The following DSTYK variants were observed in gnomAD, a reference collection of about 807,000 sequenced individuals.
DSTYK encodes RIP-homologous kinase.
A neutral mutation model predicts 98.7 loss-of-function variants in DSTYK; 34 were observed. That is an observed-to-expected ratio of 0.34 (90% CI 0.26 to 0.46). The LOEUF (loss-of-function observed/expected upper bound fraction) is 0.46. Ranked by LOEUF, DSTYK falls within the 20% of genes least tolerant of loss-of-function variation. DSTYK has a pLI of 1.00. For synonymous variants in DSTYK, 462 were observed against 457.3 expected (o/e 1.01, Z -0.13); for missense variants, 962 against 1,181.7 (o/e 0.81, Z 2.73).
intron 1 of DSTYK, among the ~76,000 whole-genome samples, chr1:205,207,450 C>T (rs992722858): frequency 2.0e-5 from 3 of 151,202 alleles, no homozygotes; most frequent in Non-Finnish European, 2.9e-5. Flanking sequence ...GATAATAAAA[C>T]AAGAAAAATA....
chr1:205,211,594 C>G lies in DSTYK; in HGVS notation c.-59G>C. On this transcript the variant is annotated 5_prime_UTR_variant, in exon 1 of 13. Coordinates refer to ENST00000367162, the MANE Select transcript of DSTYK (RefSeq NM_015375.3). ...CCCGGCCGCAGGCCCGGCCTCCCTC[C>G]TCCCCGCCCCCCAGTGCCGAAGGGA... The G allele has an allele frequency of 7.1e-7, 1 of 1,407,164 alleles. No individual in the cohort carries two copies. Among genetic ancestry groups the G allele is most frequent in the South Asian group, 1.6e-5 (1 of 64,456 alleles). The allele number at this position is 1,407,164 out of a possible 1,614,324, so 87.2% of individuals were successfully genotyped here. A position where few individuals can be genotyped will look rare whatever the true frequency, so the allele number is the denominator to read the frequency against.
chr1:205,189,174 C>T (rs1658641861), intron 1 of DSTYK, among the ~76,000 whole-genome samples: 1 of 152,046 alleles, frequency 6.6e-6, no homozygotes, highest in African/African-American at 2.4e-5. Context: ...AAAAAAACTT[C>T]TCCTTTCAAG....
At position 205,187,522 on chromosome 1, in the gene DSTYK, A is replaced by G; in HGVS notation, c.550T>C (p.Trp184Arg). The change falls in exon 2 of 13, where the codon TGG (tryptophan) becomes CGG (arginine). Residue 184 changes from tryptophan (W) to arginine (R), a missense_variant. This residue lies in a region of DSTYK where 660 missense variants were observed against 855.0 expected (regional missense o/e 0.77). Transcript: ENST00000367162. ...VHTLVAHQGNWETIPEEDLEV... is the reference protein window; with the variant it reads ...VHTLVAHQGNRETIPEEDLEV... Reference sequence around the variant, plus strand: ...AGATCCTCCTCAGGGATGGTCTCCCAGTTGCCCTGATGAGCAACCAGCGTG... The same window carrying G: ...AGATCCTCCTCAGGGATGGTCTCCCGGTTGCCCTGATGAGCAACCAGCGTG... The G allele has an allele frequency of 6.2e-7, 1 of 1,614,192 alleles. No individual in the cohort carries two copies. Among genetic ancestry groups the G allele is most frequent in the Non-Finnish European group, 8.5e-7 (1 of 1,180,036 alleles).
intron 10 of DSTYK, among the ~76,000 whole-genome samples, chr1:205,152,281 G>A (rs1490267870): frequency 6.6e-6 from 1 of 152,152 alleles, no homozygotes; most frequent in African/African-American, 2.4e-5. Context: ...GGGTTCAAGC[G>A]ATTCTCCTGC....
At chr1:205,199,760 C>T (rs1404371313) in intron 1 of DSTYK, among the ~76,000 whole-genome samples, 2 of 152,110 alleles carry the variant, frequency 1.3e-5, no homozygotes, top group South Asian at 2.1e-4. Context: ...AAGCAAACCC[C>T]GTCATCCCTA....
rs1381714368 is a variant in DSTYK at position 205,143,323 on chromosome 1, T to C, written c.*4235A>G. The C allele has an allele frequency of 6.6e-6, 1 of 152,074 alleles. No homozygotes were observed. The highest frequency in any genetic ancestry group is 1.5e-5 in the Non-Finnish European group (1 of 68,046). The allele number at this position is 152,074 out of a possible 1,614,324, so 9.4% of individuals were successfully genotyped here. A position where few individuals can be genotyped will look rare whatever the true frequency, so the allele number is the denominator to read the frequency against. ...CACCATGCCTGGCTAATTTTTTCTATTTTTAATAGAGACGGGGTTTCACCA... is the reference window on the plus strand; with the variant it reads ...CACCATGCCTGGCTAATTTTTTCTACTTTTAATAGAGACGGGGTTTCACCA... On this transcript the variant is annotated 3_prime_UTR_variant, in exon 13 of 13. Coordinates refer to ENST00000367162, the MANE Select transcript of DSTYK (RefSeq NM_015375.3).
rs1235346411 is a variant in DSTYK at position 205,173,729 on chromosome 1, T to C, written c.655-3897A>G. Among the ~76,000 whole-genome samples, 3 of 152,266 alleles carry C rather than the reference T, an allele frequency of 2.0e-5. No individual in the cohort carries two copies. The East Asian group carries it at 5.8e-4, about 29-fold the overall frequency. On this transcript the variant is annotated intron_variant, in intron 2 of 12. Coordinates refer to ENST00000367162, the MANE Select transcript of DSTYK (RefSeq NM_015375.3). ...TTGTAAGACCAATACGGTTGTTTTT[T>C]TTTTTTTGAGATGAAGTCTCGCTCT...
intron 12 of DSTYK, 101 bp downstream of exon 12, chr1:205,148,104 T>C (rs1657296991): frequency 4.9e-6 from 7 of 1,428,514 alleles, no homozygotes; most frequent in Non-Finnish European, 6.8e-6. Flanking sequence ...GGCCCTGCTA[T>C]GGAGTGGCCA....
intron 3 of DSTYK, among the ~76,000 whole-genome samples, chr1:205,165,851 TGGTGTGATGGTGCACACCTTTAGACCCA>T (rs1216577659): frequency 3.9e-5 from 6 of 152,078 alleles, no homozygotes; most frequent in African/African-American, 9.7e-5. Flanking sequence ...ACAGGTATGA[TGGTGTGATGGTGCACACCTTTAGACCCA>T]GGTGTGATGG....
intron 12 of DSTYK, among the ~76,000 whole-genome samples, 170 bp from the exon 13 acceptor site, chr1:205,147,915 TA>T (rs35284794): frequency 1.9e-4 from 27 of 144,482 alleles, no homozygotes; most frequent in African/African-American, 3.4e-4. Context: ...TAAGAGCAAT[TA>T]AAAAAAAAAA....
intron 3 of DSTYK, among the ~76,000 whole-genome samples, chr1:205,166,136 T>G (rs1482556183): frequency 6.6e-6 from 1 of 152,220 alleles, no homozygotes. Context: ...CAAATTTGTA[T>G]GAATATTTAT....
intron 2 of DSTYK, among the ~76,000 whole-genome samples, chr1:205,173,723 G>GTTT (rs1194952875): frequency 6.9e-6 from 1 of 144,182 alleles, no homozygotes. Context: ...CAATACGGTT[G>GTTT]TTTTTTTTTT....
intron 10 of DSTYK, among the ~76,000 whole-genome samples, chr1:205,155,098 CCT>C (rs1264472373): frequency 6.6e-6 from 1 of 152,074 alleles, no homozygotes. Flanking sequence ...AATTCTCCTG[CCT>C]CAGCCTCCCA....
chr1:205,164,392 G>A (rs1200769429), intron 3 of DSTYK, among the ~76,000 whole-genome samples: 3 of 151,458 alleles, frequency 2.0e-5, no homozygotes, highest in Non-Finnish European at 4.4e-5. Flanking sequence ...GGTGATGGGA[G>A]TGAGACCCCG....
intron 10 of DSTYK, 118 bp downstream of exon 10, chr1:205,157,155 G>A (rs1657586596): frequency 1.3e-6 from 1 of 771,412 alleles, no homozygotes; most frequent in Admixed American, 2.3e-5. Context: ...CGTGAGAATG[G>A]ACTAATACAC....
intron 1 of DSTYK, among the ~76,000 whole-genome samples, chr1:205,190,703 G>A (rs972001368): frequency 6.6e-6 from 1 of 150,932 alleles, no homozygotes; most frequent in Admixed American, 6.6e-5. Context: ...CTCGAGCAGT[G>A]AGAAGTCCAG....
chr1:205,202,463 T>C (rs1481575115), intron 1 of DSTYK: 1 of 797,864 alleles, frequency 1.3e-6, no homozygotes, highest in Non-Finnish European at 2.2e-6. Flanking sequence ...GAATTTTTGC[T>C]ACACATGCTT....
At position 205,187,410 on chromosome 1, in the gene DSTYK, A is replaced by G; in HGVS notation, c.654+8T>C. The G allele has an allele frequency of 6.3e-7, 1 of 1,599,906 alleles. No individual in the cohort carries two copies. The highest frequency in any genetic ancestry group is 8.5e-7 in the Non-Finnish European group (1 of 1,171,260). On this transcript the variant is annotated splice_region_variant and intron_variant, in intron 2 of 12. Transcript: ENST00000367162. Reference sequence around the variant, plus strand: ...TATACAATTGGTATAGAAGTATGAGATTGGTACCTGTAAGAGAGCATGGTG... The same window carrying G: ...TATACAATTGGTATAGAAGTATGAGGTTGGTACCTGTAAGAGAGCATGGTG...
rs1207929163 is a variant in DSTYK at position 205,169,398 on chromosome 1, G to A, written c.1089C>T (p.Asn363=). The part of the protein sequence containing the change: ...TRLVDAAKAL[N]LVHCHCLDIF... The stretch of plus-strand genomic sequence containing the variant: ...TGTCAAGGCAGTGGCAGTGCACCAG[G>A]TTCAGGGCCTTGGCTGCATCCACCA... Residue 363 remains asparagine, a synonymous_variant, in exon 3 of 13, where the codon AAC becomes AAT. Coordinates refer to ENST00000367162, the MANE Select transcript of DSTYK (RefSeq NM_015375.3). This position sits in a 1 kb window ranked among gnomAD's most constrained non-coding sequence, Gnocchi z 4.0. The A allele has an allele frequency of 6.2e-7, 1 of 1,614,174 alleles. No homozygotes were observed. Among genetic ancestry groups the A allele is most frequent in the African/African-American group, 1.3e-5 (1 of 75,048 alleles).
Sources: gnomAD v4.1 joint callset for allele counts (sites outside exome capture counted in the v4.1 genomes callset) on GRCh38, gnomAD v4.1.1 for gene constraint, gnomAD v4.1.1 regional missense constraint, Gnocchi (gnomAD v3.1) non-coding constraint, MANE v1.5 for transcripts, NCBI Gene and HGNC (gene_info 2026-07-23, HGNC 2026-07-21) for gene names.